Variants in EXOC4 observed in about 807,000 individuals in gnomAD.
EXOC4 encodes the protein exocyst complex component 4, also known as SEC8-like 1.
EXOC4 carries 71 observed loss-of-function variants against 107.2 expected under a neutral mutation model. The ratio of observed to expected loss-of-function variants is 0.66; its 90% CI spans 0.55 to 0.81. The LOEUF is 0.81. EXOC4 is among the 30% of genes least tolerant of loss of function. EXOC4 has a pLI of 0.00. For missense variants in EXOC4, 1,108 were observed against 1,189.6 expected (o/e 0.93, Z 1.01); for synonymous variants, 456 against 441.2 (o/e 1.03, Z -0.42).
At chr7:133,856,330 T>G (rs1798371706) in intron 11 of EXOC4, among the ~76,000 whole-genome samples, 1 of 152,252 alleles carries the variant, frequency 6.6e-6, no homozygotes, top group South Asian at 2.1e-4. Context: ...ATAATATGTG[T>G]GATGCTTTAG....
intron 2 of EXOC4, among the ~76,000 whole-genome samples, chr7:133,280,291 T>A (rs552853744): frequency 6.6e-6 from 1 of 152,218 alleles, no homozygotes. Flanking sequence ...TGAGATGTTA[T>A]TGCATTGGTA....
At chr7:133,823,255 C>T (rs952375918) in intron 11 of EXOC4, among the ~76,000 whole-genome samples, 3 of 152,182 alleles carry the variant, frequency 2.0e-5, no homozygotes, top group African/African-American at 7.2e-5. Flanking sequence ...ACTGTCATCT[C>T]TTCCTCTGCC....
chr7:134,055,256 G>C (rs1012433685), intron 17 of EXOC4, among the ~76,000 whole-genome samples: 1 of 152,154 alleles, frequency 6.6e-6, no homozygotes, highest in African/African-American at 2.4e-5. Flanking sequence ...AGGAATCAGG[G>C]TTTGAGTGAC....
intron 14 of EXOC4, among the ~76,000 whole-genome samples, chr7:133,941,823 C>G (rs1448444500): frequency 4.8e-5 from 7 of 146,064 alleles, no homozygotes; most frequent in Admixed American, 2.0e-4. Context: ...CTTACAGATT[C>G]TCTCTCTCTC....
At chr7:134,043,719 T>C (rs1468234200) in intron 17 of EXOC4, among the ~76,000 whole-genome samples, 1 of 152,026 alleles carries the variant, frequency 6.6e-6, no homozygotes, top group Non-Finnish European at 1.5e-5. Flanking sequence ...AGGAGTGCAA[T>C]GGTTTCGGGG....
At chr7:133,826,849 A>T (rs955414618) in intron 11 of EXOC4, among the ~76,000 whole-genome samples, 1 of 152,160 alleles carries the variant, frequency 6.6e-6, no homozygotes, top group Non-Finnish European at 1.5e-5. Context: ...TCAAGAAAAA[A>T]ATGTCCAGTG....
At chr7:133,484,949 GGACA>G (rs1799238886) in intron 9 of EXOC4, among the ~76,000 whole-genome samples, 1 of 151,198 alleles carries the variant, frequency 6.6e-6, no homozygotes, top group Non-Finnish European at 1.5e-5. Context: ...GCGTGGTGGC[GGACA>G]CCTGTAATCC....
At chr7:133,840,188 A>G (rs1007893797) in intron 11 of EXOC4, among the ~76,000 whole-genome samples, 2 of 152,224 alleles carry the variant, frequency 1.3e-5, no homozygotes, top group East Asian at 1.9e-4. Context: ...ATATATACCT[A>G]TAATCGAATC....
At chr7:133,555,951 T>C (rs151033354) in intron 9 of EXOC4, among the ~76,000 whole-genome samples, 111 of 152,338 alleles carry the variant, frequency 7.3e-4, no homozygotes, top group African/African-American at 2.6e-3. Context: ...TTGCCTTTAG[T>C]TAAGTTGTTG....
chr7:133,665,087 CAT>C (rs1239515728), intron 10 of EXOC4, among the ~76,000 whole-genome samples: 2 of 152,132 alleles, frequency 1.3e-5, no homozygotes, highest in Admixed American at 1.3e-4. Flanking sequence ...GTGGTATTCA[CAT>C]GTCTTGCAAA....
chr7:133,258,441 AC>A (rs1384312835), intron 1 of EXOC4, among the ~76,000 whole-genome samples: 1 of 152,128 alleles, frequency 6.6e-6, no homozygotes, highest in African/African-American at 2.4e-5. Flanking sequence ...TTGCTGTATT[AC>A]CTGTGTAACC....
intron 14 of EXOC4, among the ~76,000 whole-genome samples, chr7:133,957,883 G>T (rs1800852733): frequency 6.6e-6 from 1 of 152,168 alleles, no homozygotes; most frequent in Non-Finnish European, 1.5e-5. Context: ...TTAGTCATGT[G>T]TATTACTTAA....
intron 7 of EXOC4, among the ~76,000 whole-genome samples, chr7:133,429,921 C>T (rs937080823): frequency 2.0e-5 from 3 of 152,296 alleles, no homozygotes; most frequent in African/African-American, 4.8e-5. Context: ...CACAGGCAAA[C>T]GGGTGCCAGG....
At chr7:133,874,091 A>G (rs1385705702) in intron 11 of EXOC4, among the ~76,000 whole-genome samples, 3 of 152,210 alleles carry the variant, frequency 2.0e-5, no homozygotes, top group Non-Finnish European at 4.4e-5. Flanking sequence ...CAGTTATGTT[A>G]AAGCCTAAGG....
At chr7:134,052,109 C>A (rs184853421) in intron 17 of EXOC4, among the ~76,000 whole-genome samples, 11 of 152,264 alleles carry the variant, frequency 7.2e-5, no homozygotes, top group Admixed American at 4.6e-4. Context: ...ATTGACGACC[C>A]TTTTCATAGA....
At chr7:133,376,103 T>G (rs1796484703) in intron 7 of EXOC4, among the ~76,000 whole-genome samples, 1 of 152,194 alleles carries the variant, frequency 6.6e-6, no homozygotes, top group Non-Finnish European at 1.5e-5. Context: ...ATGTAAATTA[T>G]AGTCATTTTT....
chr7:133,724,678 G>T (rs1243695846), intron 10 of EXOC4, among the ~76,000 whole-genome samples: 1 of 152,296 alleles, frequency 6.6e-6, no homozygotes, highest in East Asian at 1.9e-4. Context: ...AGGTAAAGTG[G>T]ACTGAAGGGC....
intron 11 of EXOC4, among the ~76,000 whole-genome samples, chr7:133,827,837 T>C (rs1490615228): frequency 2.0e-5 from 3 of 152,222 alleles, no homozygotes; most frequent in East Asian, 1.9e-4. Context: ...AAAGTAATTA[T>C]AGTCAGTGAC....
chr7:133,626,321 C>T (rs750369863), intron 9 of EXOC4, among the ~76,000 whole-genome samples: 3 of 152,138 alleles, frequency 2.0e-5, no homozygotes, highest in African/African-American at 4.8e-5. Flanking sequence ...AGTAGATTTC[C>T]GGGGGTCAGG....
Sources: allele counts gnomAD v4.1 joint callset (sites outside exome capture counted in the v4.1 genomes callset), GRCh38; gene constraint gnomAD v4.1.1; transcripts MANE v1.5; gene names NCBI Gene and HGNC (gene_info 2026-07-23, HGNC 2026-07-21).